AKAP6: variants seen among roughly 807,000 people sequenced by gnomAD.
AKAP6 encodes the protein A-kinase anchor protein 6.
AKAP6 carries 58 observed loss-of-function variants against 188.5 expected under a neutral mutation model. That is an observed-to-expected ratio of 0.31 (90% CI 0.25 to 0.38). The LOEUF is 0.38. Ranked by LOEUF, AKAP6 falls within the 10% of genes least tolerant of loss-of-function variation. The probability of loss-of-function intolerance (pLI) is 1.00; values close to 1 mark genes in which losing one functional copy is unlikely to be tolerated. For synonymous variants in AKAP6, 989 were observed against 998.6 expected, an observed-to-expected ratio of 0.99 and a Z score of 0.18; for missense variants, 2,710 against 2,740.0, an observed-to-expected ratio of 0.99 and a Z score of 0.24.
At chr14:32,358,572 A>G (rs1447475807) in intron 1 of AKAP6, among the ~76,000 whole-genome samples, 2 of 152,004 alleles carry the variant, frequency 1.3e-5, no homozygotes, top group African/African-American at 2.4e-5. Flanking sequence ...CTGTAGGTGT[A>G]TTCTGATTTT....
chr14:32,757,206 A>G (rs990803702), intron 11 of AKAP6, among the ~76,000 whole-genome samples: 6 of 152,172 alleles, frequency 3.9e-5, no homozygotes, highest in Non-Finnish European at 8.8e-5. Context: ...AAGTGCTGTA[A>G]TCTCTCATCT....
intron 11 of AKAP6, among the ~76,000 whole-genome samples, chr14:32,737,622 C>T (rs1045748846): frequency 3.9e-5 from 6 of 152,090 alleles, no homozygotes; most frequent in East Asian, 1.9e-4. Flanking sequence ...CTCTGCCTCT[C>T]GTGGGTTCCT....
At chr14:32,605,263 C>A (rs1886085737) in intron 7 of AKAP6, among the ~76,000 whole-genome samples, 1 of 152,134 alleles carries the variant, frequency 6.6e-6, no homozygotes, top group Non-Finnish European at 1.5e-5. Flanking sequence ...CTACCTTGGG[C>A]TATCAAAGAA....
intron 9 of AKAP6, among the ~76,000 whole-genome samples, chr14:32,708,444 T>C (rs1361549241): frequency 6.6e-6 from 1 of 150,970 alleles, no homozygotes; most frequent in South Asian, 2.1e-4. Context: ...AGAGAGAGAG[T>C]AAAAGAGTGA....
At chr14:32,469,254 T>C (rs1307358856) in intron 2 of AKAP6, among the ~76,000 whole-genome samples, 1 of 152,196 alleles carries the variant, frequency 6.6e-6, no homozygotes, top group Non-Finnish European at 1.5e-5. Flanking sequence ...TTTTCAACAG[T>C]CTCCAACGGA....
In AKAP6 at chr14:32,837,432, A is replaced by G. The variant is rs538050248; in HGVS notation, c.*7627A>G. The G allele has an allele frequency of 6.6e-6, 1 of 152,344 alleles. No homozygotes were observed. The highest frequency in any genetic ancestry group is 1.9e-4 in the East Asian group (1 of 5,186). The allele number at this position is 152,344 out of a possible 1,614,324, so 9.4% of individuals were successfully genotyped here. On this transcript the variant is annotated 3_prime_UTR_variant, in exon 14 of 14. Transcript: ENST00000280979. ...TGATTGAAGGCATTAGGAACATAAA[A>G]ATGCATAAGATCCTCTTTTAAATCC...
chr14:32,464,136 T>G (rs1878250544), intron 2 of AKAP6, among the ~76,000 whole-genome samples: 1 of 152,138 alleles, frequency 6.6e-6, no homozygotes, highest in Admixed American at 6.5e-5. Context: ...CAGGACCAGA[T>G]GGATACACAG....
At chr14:32,701,090 G>A (rs1206395810) in intron 9 of AKAP6, among the ~76,000 whole-genome samples, 1 of 152,064 alleles carries the variant, frequency 6.6e-6, no homozygotes, top group East Asian at 1.9e-4. Context: ...TGTGTAAAAG[G>A]AAAAGGACCA....
At chr14:32,687,010 A>G (rs1889954555) in intron 8 of AKAP6, among the ~76,000 whole-genome samples, 1 of 152,194 alleles carries the variant, frequency 6.6e-6, no homozygotes, top group Non-Finnish European at 1.5e-5. Context: ...AAATAGAAAC[A>G]GTATATACAG....
At chr14:32,389,767 A>G (rs1472498759) in intron 1 of AKAP6, among the ~76,000 whole-genome samples, 2 of 152,152 alleles carry the variant, frequency 1.3e-5, no homozygotes, top group Admixed American at 6.5e-5. Flanking sequence ...TTTGTCTCAC[A>G]GCTCTTAAGA....
chr14:32,381,448 G>T (rs1377942860), intron 1 of AKAP6, among the ~76,000 whole-genome samples: 1 of 152,172 alleles, frequency 6.6e-6, no homozygotes, highest in Admixed American at 6.5e-5. Context: ...CTGGGTAGTG[G>T]TAGAGATAGA....
intron 4 of AKAP6, among the ~76,000 whole-genome samples, chr14:32,552,341 G>A (rs1267489118): frequency 6.6e-6 from 1 of 152,204 alleles, no homozygotes; most frequent in Non-Finnish European, 1.5e-5. Context: ...AAAGCAGAGG[G>A]ACTGATGTCT....
At chr14:32,640,033 G>C (rs372379826) in intron 7 of AKAP6, among the ~76,000 whole-genome samples, 19 of 152,054 alleles carry the variant, frequency 1.2e-4, no homozygotes, top group East Asian at 9.6e-4. Context: ...CAAGGCAAAT[G>C]CCTTCCCAGA....
intron 7 of AKAP6, among the ~76,000 whole-genome samples, chr14:32,621,763 T>C (rs1268586163): frequency 6.6e-6 from 1 of 152,118 alleles, no homozygotes; most frequent in African/African-American, 2.4e-5. Context: ...GTGCTATCAG[T>C]AGAGTTGAAG....
intron 7 of AKAP6, among the ~76,000 whole-genome samples, chr14:32,674,210 G>A (rs1889335460): frequency 6.6e-6 from 1 of 152,140 alleles, no homozygotes; most frequent in Non-Finnish European, 1.5e-5. Flanking sequence ...TGATCAAGAG[G>A]GAGACTGGTA....
In AKAP6 at chr14:32,565,576, C is replaced by T. The variant is rs116549410; in HGVS notation, c.2347-11544C>T. ...TTTTAACTGGCTTCTCTGCTCTCAG[C>T]CTTTCAACTGGCAATCATTTTCCAC... On this transcript the variant is annotated intron_variant, in intron 4 of 13. Coordinates refer to ENST00000280979, the MANE Select transcript of AKAP6 (RefSeq NM_004274.5). 3.3e-5 allele frequency among the ~76,000 whole-genome samples: 5 copies of T among 152,308 alleles called. No homozygotes were observed. In the East Asian group the frequency reaches 7.7e-4, roughly 24 times the overall value.
intron 7 of AKAP6, among the ~76,000 whole-genome samples, chr14:32,677,237 A>G (rs2139634572): frequency 6.6e-6 from 1 of 152,288 alleles, no homozygotes. Flanking sequence ...CGAGGCTATA[A>G]AACTAGAGAT....
At chr14:32,469,253 G>T (rs1370468957) in intron 2 of AKAP6, among the ~76,000 whole-genome samples, 1 of 152,204 alleles carries the variant, frequency 6.6e-6, no homozygotes, top group African/African-American at 2.4e-5. Flanking sequence ...CTTTTCAACA[G>T]TCTCCAACGG....
chr14:32,455,205 C>A (rs1191561208), intron 2 of AKAP6, among the ~76,000 whole-genome samples: 1 of 151,762 alleles, frequency 6.6e-6, no homozygotes, highest in Admixed American at 6.6e-5. Flanking sequence ...TGGTCTCAAG[C>A]AATCCTTCCA....
Sources: allele counts gnomAD v4.1 joint callset (sites outside exome capture counted in the v4.1 genomes callset), GRCh38; gene constraint gnomAD v4.1.1; transcripts MANE v1.5; gene names NCBI Gene and HGNC (gene_info 2026-07-23, HGNC 2026-07-21).